CPLANE1: variants seen among roughly 807,000 people sequenced by gnomAD.
CPLANE1 encodes ciliogenesis and planar polarity effector complex subunit 1, also known as ciliogenesis and planar polarity effector 1.
CPLANE1 carries 263 observed loss-of-function variants against 362.5 expected under a neutral mutation model. The observed-to-expected ratio is 0.73, with a 90% CI of 0.66 to 0.80. The LOEUF is 0.80. Ranked by LOEUF, CPLANE1 falls within the 30% of genes least tolerant of loss-of-function variation. The probability of loss-of-function intolerance (pLI) is 0.00; values close to 1 mark genes in which losing one functional copy is unlikely to be tolerated. For synonymous variants in CPLANE1, 1,212 were observed against 1,302.6 expected (o/e 0.93, Z 1.50); for missense variants, 3,461 against 3,793.4 (o/e 0.91, Z 2.30).
At chr5:37,136,003 C>A (rs1166176474) in intron 46 of CPLANE1, among the ~76,000 whole-genome samples, 1 of 152,142 alleles carries the variant, frequency 6.6e-6, no homozygotes. Context: ...CAGACCATAT[C>A]ATTCTGCCCC....
At chr5:37,202,158 CTTT>C (rs34033701) in intron 18 of CPLANE1, among the ~76,000 whole-genome samples, 2 of 141,096 alleles carry the variant, frequency 1.4e-5, no homozygotes, top group Non-Finnish European at 1.6e-5. Context: ...GTAACTTTTC[CTTT>C]TTTTTTTTTT....
chr5:37,227,536 A>G, intron 10 of CPLANE1, 32 bp downstream of exon 10: 2 of 1,509,096 alleles, frequency 1.3e-6, no homozygotes, highest in Admixed American at 4.9e-5. Flanking sequence ...GAAAAAGGCA[A>G]CTTTCCCCAA....
chr5:37,173,550 C>T (rs1041330827), intron 32 of CPLANE1, among the ~76,000 whole-genome samples: 7 of 152,116 alleles, frequency 4.6e-5, no homozygotes, highest in Admixed American at 1.3e-4. Context: ...AGCAATCCTC[C>T]TACCTTGACC....
At chr5:37,217,084 A>G (rs991382275) in intron 15 of CPLANE1, among the ~76,000 whole-genome samples, 10 of 152,152 alleles carry the variant, frequency 6.6e-5, no homozygotes, top group Non-Finnish European at 1.5e-4. Flanking sequence ...GGGGGGAAAA[A>G]CCACACTATT....
intron 18 of CPLANE1, among the ~76,000 whole-genome samples, chr5:37,202,265 A>T (rs986151499): frequency 3.3e-5 from 5 of 151,498 alleles, no homozygotes; most frequent in African/African-American, 1.2e-4. Context: ...AGGTTCTACC[A>T]ATTTTCCCAC....
At chr5:37,171,707 G>A (rs1779823760) in intron 32 of CPLANE1, among the ~76,000 whole-genome samples, 1 of 151,488 alleles carries the variant, frequency 6.6e-6, no homozygotes, top group African/African-American at 2.4e-5. Flanking sequence ...CAAAAATAAT[G>A]AGCATTGACA....
rs2150863684 is a variant in CPLANE1 at position 37,247,508 on chromosome 5, CAGT to C, written c.81+107_81+109del. Reference sequence around the variant, plus strand: ...GGTGATCCTCCTGTAGATCCTCCTCCAGTAGATGATGTTTTATTTATTTAAGAT... The same window carrying C: ...GGTGATCCTCCTGTAGATCCTCCTCCAGATGATGTTTTATTTATTTAAGAT... On this transcript the variant is annotated intron_variant, in intron 2 of 52. Coordinates refer to ENST00000651892, the MANE Select transcript of CPLANE1 (RefSeq NM_001384732.1). The C allele has an allele frequency of 3.3e-6, 3 of 897,948 alleles. No homozygotes were observed. The South Asian group carries it at 6.5e-5, about 19-fold the overall frequency. 55.6% of individuals were successfully genotyped at this position (897,948 alleles called of 1,614,324 possible).
chr5:37,119,250 A>G (rs1007892692), intron 50 of CPLANE1, among the ~76,000 whole-genome samples: 4 of 152,222 alleles, frequency 2.6e-5, no homozygotes, highest in African/African-American at 9.6e-5. Flanking sequence ...TCTGTGATGT[A>G]TTCATCCTGC....
At chr5:37,126,043 G>C (rs72736742) in intron 46 of CPLANE1, among the ~76,000 whole-genome samples, 4,335 of 152,192 alleles carry the variant, frequency 0.028, 95 homozygotes, top group Middle Eastern at 0.12. Flanking sequence ...TTCAAGACCA[G>C]CCTGGGCAAG....
intron 18 of CPLANE1, among the ~76,000 whole-genome samples, chr5:37,203,825 C>T (rs1394991808): frequency 6.6e-6 from 1 of 152,062 alleles, no homozygotes; most frequent in Non-Finnish European, 1.5e-5. Context: ...GCTTCATGTA[C>T]ACATTTTTGT....
Position 37,153,906 on chromosome 5 carries a change from C to A in CPLANE1, c.8207G>T (p.Gly2736Val). The stretch of plus-strand genomic sequence containing the variant: ...TGGTGCAGGGCAAGCTGCAGAGACA[C>A]CTTGCAGCCGTTTCCACAATAGATA... Reference protein sequence around the residue: ...EDYLLWKRLQGVSAACPAPSS... With the variant: ...EDYLLWKRLQVVSAACPAPSS... The change falls in exon 42 of 53, where the codon GGT (glycine) becomes GTT (valine). Residue 2736 changes from glycine to valine, a missense_variant. Physicochemically the swap from Gly to Val is moderately radical, Grantham distance 109 (BLOSUM62 -3). Around this residue, in one of 2 missense-constraint regions of CPLANE1, gnomAD observed 3,380 missense variants for 3,666.1 expected, o/e 0.92. Coordinates refer to ENST00000651892, the MANE Select transcript of CPLANE1 (RefSeq NM_001384732.1). 2 of 1,614,074 alleles carry A rather than the reference C, an allele frequency of 1.2e-6. No individual in the cohort carries two copies. The highest frequency in any genetic ancestry group is 1.1e-5 in the South Asian group (1 of 91,074).
the CPLANE1 span, among the ~76,000 whole-genome samples, chr5:37,082,033 C>A: frequency 6.7e-6 from 1 of 149,966 alleles, no homozygotes; most frequent in Non-Finnish European, 1.5e-5. Context: ...GCGGAGGTTG[C>A]AGTGAGCCAA....
At chr5:37,247,787 A>T in intron 1 of CPLANE1, 42 bp from the exon 2 acceptor site, 4 of 1,313,474 alleles carry the variant, frequency 3.0e-6, no homozygotes, top group Non-Finnish European at 4.0e-6. Flanking sequence ...GATGCATAAT[A>T]TTCACTGGGC....
At chr5:37,104,754 A>AC (rs564852746), downstream of CPLANE1, among the ~76,000 whole-genome samples, 335 of 151,312 alleles carry the variant, frequency 2.2e-3, 1 homozygote, top group African/African-American at 5.4e-3. Context: ...TAAAAAAAAA[A>AC]ACACACACAC....
intron 8 of CPLANE1, among the ~76,000 whole-genome samples, chr5:37,234,340 G>A (rs1278284438): frequency 6.9e-6 from 1 of 143,928 alleles, no homozygotes; most frequent in African/African-American, 2.6e-5. Context: ...CAAAGAAATC[G>A]GAAAATCAAT....
Position 37,183,603 on chromosome 5 carries a change from ATCT to A in CPLANE1, c.4575_4577del (p.Glu1525del), listed in dbSNP as rs761958901. 38 of 1,612,258 alleles carry A rather than the reference ATCT, an allele frequency of 2.4e-5. No homozygotes were observed. The East Asian group carries it at 8.0e-4, about 34-fold the overall frequency. On this transcript the variant is annotated inframe_deletion, in exon 26 of 53. Transcript: ENST00000651892. ...GTGTATTTTGTGATAACTTTTCATG[ATCT>A]TCTTTCTTTGTAGGATTTTCTTTCT...
intron 18 of CPLANE1, among the ~76,000 whole-genome samples, chr5:37,202,052 T>G (rs777774268): frequency 6.6e-6 from 1 of 152,158 alleles, no homozygotes; most frequent in Non-Finnish European, 1.5e-5. Context: ...AAAAATATTC[T>G]TAGAATGTAG....
the CPLANE1 span, among the ~76,000 whole-genome samples, chr5:37,077,502 T>C: frequency 6.6e-6 from 1 of 152,198 alleles, no homozygotes; most frequent in South Asian, 2.1e-4. Flanking sequence ...TTGATTTATA[T>C]ATTTTTAAAA....
At chr5:37,208,590 T>C (rs1791530169) in intron 16 of CPLANE1, among the ~76,000 whole-genome samples, 1 of 150,172 alleles carries the variant, frequency 6.7e-6, no homozygotes, top group Non-Finnish European at 1.5e-5. Flanking sequence ...GGCAGGAGAA[T>C]GGCACGAGCC....
Sources: allele counts gnomAD v4.1 joint callset (sites outside exome capture counted in the v4.1 genomes callset), GRCh38; gene constraint gnomAD v4.1.1; regional missense constraint gnomAD v4.1.1; transcripts MANE v1.5; gene names NCBI Gene and HGNC (gene_info 2026-07-23, HGNC 2026-07-21).